The following SENP2 variants were observed in gnomAD, a reference collection of about 807,000 sequenced individuals.
SENP2 encodes the protein SUMO specific peptidase 2.
Under a neutral mutation model 86.3 loss-of-function variants are expected in SENP2, and 16 were observed. That is an observed-to-expected ratio of 0.19 (90% CI 0.13 to 0.28). The LOEUF (loss-of-function observed/expected upper bound fraction) is 0.28. Ranked by LOEUF, SENP2 falls within the 10% of genes least tolerant of loss-of-function variation. SENP2 has a pLI of 1.00. For missense variants in SENP2, 552 were observed against 703.0 expected, an observed-to-expected ratio of 0.79 and a Z score of 2.43; for synonymous variants, 222 against 238.7, an observed-to-expected ratio of 0.93 and a Z score of 0.64.
At chr3:185,627,986 A>C (rs530821144) in intron 16 of SENP2, among the ~76,000 whole-genome samples, 33 of 152,240 alleles carry the variant, frequency 2.2e-4, no homozygotes, top group Non-Finnish European at 3.7e-4. Context: ...CCAGTAAAAA[A>C]TAAAGGCATT....
At position 185,621,386 on chromosome 3, in the gene SENP2, C is replaced by CTTTTTTTTTTT. The variant is rs1220771289; in HGVS notation, c.1447-427_1447-417dup. On this transcript the variant is annotated intron_variant, in intron 13 of 16. Transcript: ENST00000296257. ...AGTGGATATCGTTTTTCTTTTTTTT[C>CTTTTTTTTTTT]TTTTTTTTTTTTTTTTTTTTTTTGA... 1.9e-3 allele frequency among the ~76,000 whole-genome samples: 148 copies of CTTTTTTTTTTT among 78,772 alleles called. 2 individuals carry two copies. Among genetic ancestry groups the CTTTTTTTTTTT allele is most frequent in the Non-Finnish European group, 2.5e-3 (107 of 43,282 alleles). 51.7% of individuals were successfully genotyped at this position (78,772 alleles called of 152,430 possible). A position where few individuals can be genotyped will look rare whatever the true frequency, so the allele number is the denominator to read the frequency against.
intron 5 of SENP2, among the ~76,000 whole-genome samples, chr3:185,601,621 C>G (rs1722348040): frequency 6.8e-6 from 1 of 147,914 alleles, no homozygotes; most frequent in Non-Finnish European, 1.5e-5. Context: ...CATACATTCT[C>G]TCCTTTTGTT....
At chr3:185,614,860 G>T in intron 11 of SENP2, 120 bp downstream of exon 11, 1 of 886,566 alleles carries the variant, frequency 1.1e-6, no homozygotes, top group Admixed American at 2.8e-5. Flanking sequence ...ATGAAAACAT[G>T]TCAGGTCCAT....
At chr3:185,619,013 G>C (rs1429034019) in intron 12 of SENP2, among the ~76,000 whole-genome samples, 1 of 152,114 alleles carries the variant, frequency 6.6e-6, no homozygotes, top group African/African-American at 2.4e-5. Flanking sequence ...GCGTATTTTT[G>C]GTGTGATACA....
chr3:185,611,797 A>G, intron 8 of SENP2, 52 bp downstream of exon 8: 1 of 1,257,484 alleles, frequency 8.0e-7, no homozygotes, highest in Non-Finnish European at 1.1e-6. Context: ...AGTTCATGCT[A>G]CAGTGTTCAT....
At chr3:185,599,068 G>C in intron 4 of SENP2, 44 bp downstream of exon 4, 1 of 1,422,940 alleles carries the variant, frequency 7.0e-7, no homozygotes, top group East Asian at 2.3e-5. Flanking sequence ...ACCTCCTTCT[G>C]CCCATTTTTT....
intron 1 of SENP2, among the ~76,000 whole-genome samples, chr3:185,588,050 A>ATTTTTTT (rs1196425963): frequency 0.014 from 917 of 64,766 alleles, 71 homozygotes; most frequent in South Asian, 0.082. Context: ...CTACCGGCTA[A>ATTTTTTT]TTTTTTTTTT....
intron 14 of SENP2, among the ~76,000 whole-genome samples, chr3:185,622,461 A>G (rs1286431419): frequency 1.3e-5 from 2 of 152,232 alleles, no homozygotes; most frequent in African/African-American, 4.8e-5. Context: ...ACTAGAAGCA[A>G]TGAAGTTCCT....
At chr3:185,605,305 A>G (rs1409488759) in intron 5 of SENP2, among the ~76,000 whole-genome samples, 1 of 151,480 alleles carries the variant, frequency 6.6e-6, no homozygotes, top group Admixed American at 6.6e-5. Flanking sequence ...TGGGAGGTGG[A>G]GGTTGCAGTG....
At chr3:185,587,804 A>AGCTCACTGCAACCTCT (rs1441209342) in intron 1 of SENP2, among the ~76,000 whole-genome samples, 1 of 138,424 alleles carries the variant, frequency 7.2e-6, no homozygotes, top group Non-Finnish European at 1.5e-5. Context: ...GCACGATCTC[A>AGCTCACTGCAACCTCT]GCTCACTGCA....
chr3:185,595,830 T>A, intron 2 of SENP2, among the ~76,000 whole-genome samples: 1 of 147,430 alleles, frequency 6.8e-6, no homozygotes. Flanking sequence ...AGACAGGATC[T>A]CCCTCTGTCA....
At chr3:185,624,929 C>G (rs1389908374) in intron 15 of SENP2, among the ~76,000 whole-genome samples, 1 of 151,284 alleles carries the variant, frequency 6.6e-6, no homozygotes, top group South Asian at 2.1e-4. Context: ...AAGGAGAGCA[C>G]AGATACAAGG....
chr3:185,623,419 G>A (rs953376837), intron 14 of SENP2, among the ~76,000 whole-genome samples: 2 of 152,176 alleles, frequency 1.3e-5, no homozygotes, highest in Non-Finnish European at 2.9e-5. Flanking sequence ...ATATACAGGC[G>A]TGAGCCACCG....
At chr3:185,621,386 C>T (rs200473769) in intron 13 of SENP2, among the ~76,000 whole-genome samples, 54 of 78,744 alleles carry the variant, frequency 6.9e-4, no homozygotes, top group Non-Finnish European at 7.6e-4. Context: ...TCTTTTTTTT[C>T]TTTTTTTTTT....
chr3:185,614,649 G>A lies in SENP2; in HGVS notation c.1019G>A (p.Arg340Lys). 1 of 1,614,244 alleles carries A rather than the reference G, an allele frequency of 6.2e-7. No individual in the cohort carries two copies. Among genetic ancestry groups the A allele is most frequent in the South Asian group, 1.1e-5 (1 of 91,090 alleles). The change falls in exon 11 of 17, where the codon AGG (arginine) becomes AAG (lysine). Residue 340 changes from arginine to lysine, a missense_variant. Coordinates refer to ENST00000296257, the MANE Select transcript of SENP2 (RefSeq NM_021627.3). The part of the protein sequence containing the change: ...RLGSGSNGLL[R>K]RKVSIIETKE... ...GGCAGTGGAAGCAATGGCTTACTCA[G>A]GAGGAAAGTGTCAATAATTGAGACA...
rs1722610973 is a variant in SENP2, at chr3:185,609,322, G to A, written c.694G>A (p.Val232Ile). The A allele has an allele frequency of 1.2e-6, 2 of 1,613,230 alleles. No individual in the cohort carries two copies. The highest frequency in any genetic ancestry group is 1.3e-5 in the African/African-American group (1 of 74,900). The part of the protein sequence containing the change: ...RLKESGHGNS[V>I]CPVTSNYHSS... The stretch of plus-strand genomic sequence containing the variant: ...TAAAGAAAGTGGTCATGGAAACTCT[G>A]TCTGTCCTGTAACTTCAAATTATCA... The change falls in exon 7 of 17, where the codon GTC (valine) becomes ATC (isoleucine). Residue 232 changes from valine (V) to isoleucine (I), a missense_variant. This residue lies in a region of SENP2 where 383 missense variants were observed against 427.3 expected (regional missense o/e 0.90). Coordinates refer to ENST00000296257, the MANE Select transcript of SENP2 (RefSeq NM_021627.3).
Position 185,619,458 on chromosome 3 carries a change from A to C in SENP2, c.1402A>C (p.Ile468Leu). The change falls in exon 13 of 17, where the codon ATT becomes CTT. Residue 468 changes from isoleucine to leucine, a missense_variant. This residue lies in a region of SENP2 where 169 missense variants were observed against 275.7 expected (regional missense o/e 0.61). Transcript: ENST00000296257. ...AGGGGTAAATCTCTTTGAACAAGAA[A>C]TTATTCTGGTGCCTATTCATCGGAA... ...TKGVNLFEQE[I>L]ILVPIHRKVH... 1.9e-6 allele frequency: 3 copies of C among 1,614,152 alleles called. No individual in the cohort carries two copies. The highest frequency in any genetic ancestry group is 2.5e-6 in the Non-Finnish European group (3 of 1,180,020).
chr3:185,614,723 C>CT lies in SENP2; in HGVS notation c.1094dup (p.Leu366ProfsTer2). ...AGAGAGGGACAGAAGAACGGACGAT[C>CT]TCCTTGAACTTACAGAGGTATTGTT... On this transcript the variant is annotated frameshift_variant, in exon 11 of 17. Transcript: ENST00000296257. 6.2e-7 allele frequency: 1 copy of CT among 1,614,052 alleles called. No homozygotes were observed. The highest frequency in any genetic ancestry group is 8.5e-7 in the Non-Finnish European group (1 of 1,179,956).
At chr3:185,594,094 C>CT (rs1313079147) in intron 2 of SENP2, among the ~76,000 whole-genome samples, 164 of 147,184 alleles carry the variant, frequency 1.1e-3, no homozygotes, top group African/African-American at 3.0e-3. Context: ...TTAAAATTAT[C>CT]TTTTTTTTTT....
Sources: allele counts gnomAD v4.1 joint callset (sites outside exome capture counted in the v4.1 genomes callset), GRCh38; gene constraint gnomAD v4.1.1; regional missense constraint gnomAD v4.1.1; transcripts MANE v1.5; gene names NCBI Gene and HGNC (gene_info 2026-07-23, HGNC 2026-07-21).